RAB27A: variants seen among roughly 807,000 people sequenced by gnomAD.
RAB27A encodes the protein RAB27A, member RAS oncogene family.
A neutral mutation model predicts 20.8 loss-of-function variants in RAB27A; 17 were observed. The ratio of observed to expected loss-of-function variants is 0.82; its 90% CI spans 0.56 to 1.23. RAB27A has a LOEUF of 1.23. RAB27A is among the 50% of genes most tolerant of loss of function. The pLI, the probability that RAB27A is intolerant of heterozygous loss-of-function variation, is 0.00. For missense variants in RAB27A, 277 were observed against 266.7 expected, an observed-to-expected ratio of 1.04 and a Z score of -0.27; for synonymous variants, 85 against 92.8, an observed-to-expected ratio of 0.92 and a Z score of 0.48.
chr15:55,267,561 C>G (rs1050271883), intron 2 of RAB27A, among the ~76,000 whole-genome samples: 1 of 152,104 alleles, frequency 6.6e-6, no homozygotes, highest in Non-Finnish European at 1.5e-5. Flanking sequence ...GCATAGACAG[C>G]GCAAATAAAT....
At chr15:55,285,001 C>T (rs1420594499) in intron 1 of RAB27A, among the ~76,000 whole-genome samples, 1 of 152,180 alleles carries the variant, frequency 6.6e-6, no homozygotes, top group Non-Finnish European at 1.5e-5. Flanking sequence ...ATTTCCTATG[C>T]ATAAACATAA....
intron 2 of RAB27A, among the ~76,000 whole-genome samples, chr15:55,300,788 T>C (rs1452267018): frequency 2.0e-5 from 3 of 152,138 alleles, no homozygotes; most frequent in African/African-American, 7.2e-5. Context: ...AGAAGGCTGA[T>C]GTCAGTCTCT....
chr15:55,241,600 T>TTCTTTATATATATATATGTGTATATA (rs1388634936), intron 2 of RAB27A, among the ~76,000 whole-genome samples: 1 of 123,898 alleles, frequency 8.1e-6, no homozygotes, highest in African/African-American at 4.3e-5. Flanking sequence ...CAAGACCTAT[T>TTCTTTATATATATATATGTGTATATA]TATATATATA....
chr15:55,247,174 T>C (rs1368840398), intron 2 of RAB27A, among the ~76,000 whole-genome samples: 1 of 152,106 alleles, frequency 6.6e-6, no homozygotes, highest in African/African-American at 2.4e-5. Context: ...TTAAGCTACC[T>C]GGAAGGTAGA....
chr15:55,238,819 G>A (rs182488320), intron 2 of RAB27A, among the ~76,000 whole-genome samples: 171 of 140,056 alleles, frequency 1.2e-3, no homozygotes, highest in Admixed American at 1.9e-3. Flanking sequence ...ATACAGATAT[G>A]TTTACTTCAA....
intron 2 of RAB27A, among the ~76,000 whole-genome samples, chr15:55,300,095 C>CA (rs1424781379): frequency 6.6e-6 from 1 of 152,070 alleles, no homozygotes; most frequent in African/African-American, 2.4e-5. Context: ...GCTGGGATTA[C>CA]AGGCATGAGC....
chr15:55,319,021 C>G (rs941909616), exon 1 of RAB27A: 1 of 510,048 alleles, frequency 2.0e-6, no homozygotes, highest in African/African-American at 2.0e-5. Context: ...GTTTTCGGAC[C>G]CCCGAGCACA....
chr15:55,307,688 C>A (rs1477085756), intron 2 of RAB27A, among the ~76,000 whole-genome samples: 2 of 151,048 alleles, frequency 1.3e-5, no homozygotes, highest in Non-Finnish European at 2.9e-5. Flanking sequence ...TCTACCCAGA[C>A]TAGTAGACAC....
At chr15:55,258,233 G>T (rs1026997654) in intron 2 of RAB27A, among the ~76,000 whole-genome samples, 1 of 152,102 alleles carries the variant, frequency 6.6e-6, no homozygotes, top group African/African-American at 2.4e-5. Context: ...TAATGTCTCT[G>T]TGTTTTCCTA....
intron 2 of RAB27A, among the ~76,000 whole-genome samples, chr15:55,243,115 C>A (rs995712138): frequency 6.6e-6 from 1 of 152,082 alleles, no homozygotes; most frequent in African/African-American, 2.4e-5. Context: ...ATCAAGAAGC[C>A]CTTCATCCTG....
At chr15:55,306,416 T>C (rs919651643) in intron 2 of RAB27A, among the ~76,000 whole-genome samples, 5 of 152,140 alleles carry the variant, frequency 3.3e-5, no homozygotes, top group African/African-American at 1.2e-4. Flanking sequence ...ACGGAGGGTT[T>C]CATGTAGTTT....
At chr15:55,259,303 C>CT (rs913792473) in intron 2 of RAB27A, among the ~76,000 whole-genome samples, 29 of 145,482 alleles carry the variant, frequency 2.0e-4, no homozygotes, top group East Asian at 6.0e-4. Flanking sequence ...AAGAAAGTCT[C>CT]TTTTTTTTTT....
chr15:55,301,236 G>A (rs2054970192), intron 2 of RAB27A, among the ~76,000 whole-genome samples: 1 of 152,060 alleles, frequency 6.6e-6, no homozygotes, highest in Non-Finnish European at 1.5e-5. Flanking sequence ...GGGATCACAG[G>A]CACAAACTAC....
At chr15:55,210,049 T>C (rs1340306875) in intron 6 of RAB27A, among the ~76,000 whole-genome samples, 2 of 140,502 alleles carry the variant, frequency 1.4e-5, no homozygotes, top group Non-Finnish European at 1.5e-5. Flanking sequence ...TACATGTACA[T>C]ATATACACAT....
intron 5 of RAB27A, among the ~76,000 whole-genome samples, chr15:55,224,467 CTATCCAAAATGTTTTTCACATT>C (rs1413040077): frequency 6.6e-6 from 1 of 152,166 alleles, no homozygotes; most frequent in African/African-American, 2.4e-5. Context: ...TAATCTATTT[CTATCCAAAATGTTTTTCACATT>C]TTTCTATTAT....
At chr15:55,265,800 G>A (rs1595732787) in intron 2 of RAB27A, among the ~76,000 whole-genome samples, 1 of 152,286 alleles carries the variant, frequency 6.6e-6, no homozygotes, top group Admixed American at 6.5e-5. Flanking sequence ...GTGGCTGAAG[G>A]GATGCATGGA....
chr15:55,285,897 T>C (rs781336888), intron 1 of RAB27A, among the ~76,000 whole-genome samples: 5 of 152,206 alleles, frequency 3.3e-5, no homozygotes, highest in Non-Finnish European at 5.9e-5. Flanking sequence ...GCCCAGGATA[T>C]AGACAGAGGG....
chr15:55,228,415 CAA>C (rs1331779741), intron 5 of RAB27A, among the ~76,000 whole-genome samples, 192 bp downstream of exon 5: 3 of 152,172 alleles, frequency 2.0e-5, no homozygotes, highest in Admixed American at 6.5e-5. Context: ...CTCAACAAAT[CAA>C]AGTTATCAGT....
chr15:55,218,825 C>T (rs1350469649), intron 6 of RAB27A, among the ~76,000 whole-genome samples: 1 of 151,610 alleles, frequency 6.6e-6, no homozygotes, highest in Non-Finnish European at 1.5e-5. Context: ...TCACTGCAAC[C>T]TCTGCCTCCT....
Sources: allele counts gnomAD v4.1 joint callset (sites outside exome capture counted in the v4.1 genomes callset), GRCh38; gene constraint gnomAD v4.1.1; transcripts MANE v1.5; gene names NCBI Gene and HGNC (gene_info 2026-07-23, HGNC 2026-07-21).